B4GALT5: variants seen among roughly 807,000 people sequenced by gnomAD.
B4GALT5 encodes the protein UDP-Gal:beta-GlcNAc beta-1,4-galactosyltransferase 5.
B4GALT5 carries 11 observed loss-of-function variants against 45.0 expected under a neutral mutation model. The observed-to-expected ratio is 0.24, with a 90% CI of 0.15 to 0.40. The LOEUF is 0.40. B4GALT5 is among the 10% of genes least tolerant of loss of function. The probability of loss-of-function intolerance (pLI) is 1.00; values close to 1 mark genes in which losing one functional copy is unlikely to be tolerated. For missense variants in B4GALT5, 337 were observed against 500.2 expected (o/e 0.67, Z 3.11); for synonymous variants, 185 against 182.9 (o/e 1.01, Z -0.09).
chr20:49,643,744 T>C, intron 3 of B4GALT5, 94 bp from the exon 4 acceptor site: 1 of 1,389,684 alleles, frequency 7.2e-7, no homozygotes, highest in Non-Finnish European at 9.7e-7. Flanking sequence ...CAATGCTTTT[T>C]CAGCTGAATT....
intron 1 of B4GALT5, among the ~76,000 whole-genome samples, chr20:49,676,303 A>G (rs1012438256): frequency 2.0e-5 from 3 of 152,202 alleles, no homozygotes; most frequent in African/African-American, 7.2e-5. Context: ...ACAACCTTCT[A>G]AATTCCCCCT....
At chr20:49,704,718 C>CA (rs552498759) in intron 1 of B4GALT5, among the ~76,000 whole-genome samples, 1,668 of 114,000 alleles carry the variant, frequency 0.015, 29 homozygotes, top group African/African-American at 0.047. Flanking sequence ...GACTCTGTCT[C>CA]AAAAAAAAAA....
chr20:49,674,830 G>A (rs1305988826), intron 1 of B4GALT5, among the ~76,000 whole-genome samples: 2 of 152,048 alleles, frequency 1.3e-5, no homozygotes, highest in Non-Finnish European at 2.9e-5. Context: ...CACTTTCAAG[G>A]TCCAAATTCC....
chr20:49,657,012 A>G (rs1471320224), intron 1 of B4GALT5, among the ~76,000 whole-genome samples: 1 of 152,170 alleles, frequency 6.6e-6, no homozygotes, highest in Non-Finnish European at 1.5e-5. Context: ...TGATCATCAG[A>G]AGAAAGACCT....
At chr20:49,690,768 C>T (rs960265443) in intron 1 of B4GALT5, among the ~76,000 whole-genome samples, 24 of 152,158 alleles carry the variant, frequency 1.6e-4, no homozygotes, top group Non-Finnish European at 2.9e-4. Flanking sequence ...ATATGTTCAA[C>T]ACAAGTATTC....
At chr20:49,671,859 T>A (rs77929240) in intron 1 of B4GALT5, among the ~76,000 whole-genome samples, 41 of 138,898 alleles carry the variant, frequency 3.0e-4, no homozygotes, top group African/African-American at 8.5e-4. Flanking sequence ...CATTTTTTTT[T>A]AAAACAATAA....
chr20:49,701,379 G>T (rs181231554), intron 1 of B4GALT5, among the ~76,000 whole-genome samples: 50 of 152,206 alleles, frequency 3.3e-4, no homozygotes, highest in African/African-American at 1.2e-3. Flanking sequence ...ATTTTACTAA[G>T]TCAGAGCTGT....
chr20:49,690,273 G>A (rs1251352164), intron 1 of B4GALT5, among the ~76,000 whole-genome samples: 7 of 152,102 alleles, frequency 4.6e-5, no homozygotes, highest in East Asian at 1.9e-4. Flanking sequence ...CCCAAAGTGC[G>A]GGGATTACAG....
At chr20:49,663,074 TCA>T (rs1884948657) in intron 1 of B4GALT5, among the ~76,000 whole-genome samples, 2 of 152,308 alleles carry the variant, frequency 1.3e-5, no homozygotes, top group African/African-American at 4.8e-5. Context: ...AATGAATCTC[TCA>T]CACTTTATGT....
chr20:49,674,381 A>G (rs920694223), intron 1 of B4GALT5, among the ~76,000 whole-genome samples: 2 of 152,158 alleles, frequency 1.3e-5, no homozygotes, highest in African/African-American at 4.8e-5. Flanking sequence ...CAATGTTCAC[A>G]TAAGAAGTTA....
Position 49,656,635 on chromosome 20 carries a change from A to G in B4GALT5, c.183T>C (p.Gly61=). 1 of 1,614,218 alleles carries G rather than the reference A, an allele frequency of 6.2e-7. No homozygotes were observed. Among genetic ancestry groups the G allele is most frequent in the Non-Finnish European group, 8.5e-7 (1 of 1,180,048 alleles). ...ILIRDNVRTI[G]AQVYEQVLRS... ...GAAGCACCTGCTCATAAACCTGAGC[A>G]CCGATTGTTCTCACGTTGTCCCGGA... is the stretch of plus-strand genomic sequence containing the variant. The change falls in exon 2 of 9, where the codon GGT becomes GGC. Residue 61 remains glycine (G), a synonymous_variant. Coordinates refer to ENST00000371711, the MANE Select transcript of B4GALT5 (RefSeq NM_004776.4).
intron 1 of B4GALT5, among the ~76,000 whole-genome samples, chr20:49,704,644 G>A (rs958624154): frequency 8.6e-5 from 13 of 150,754 alleles, no homozygotes; most frequent in Admixed American, 2.6e-4. Flanking sequence ...GCGTGAACCC[G>A]GGAGGCGGAG....
chr20:49,680,135 T>C (rs754840316), intron 1 of B4GALT5, among the ~76,000 whole-genome samples: 1 of 152,200 alleles, frequency 6.6e-6, no homozygotes, highest in Non-Finnish European at 1.5e-5. Flanking sequence ...CAAATCATAT[T>C]AGCCAGAGGG....
intron 1 of B4GALT5, among the ~76,000 whole-genome samples, chr20:49,698,057 C>A (rs1319882033): frequency 1.3e-5 from 2 of 152,140 alleles, no homozygotes; most frequent in African/African-American, 4.8e-5. Flanking sequence ...CGCGGTGGCT[C>A]ATGCCTATAA....
intron 8 of B4GALT5, 145 bp downstream of exon 8, chr20:49,637,196 T>C (rs1002515243): frequency 1.4e-5 from 10 of 710,776 alleles, no homozygotes; most frequent in African/African-American, 1.1e-4. Flanking sequence ...GCCTCAGAGT[T>C]AGAATACATG....
intron 2 of B4GALT5, among the ~76,000 whole-genome samples, chr20:49,648,285 T>A (rs890816819): frequency 6.6e-6 from 1 of 152,160 alleles, no homozygotes; most frequent in Non-Finnish European, 1.5e-5. Flanking sequence ...CTGGGGCATA[T>A]GTAATCCCCA....
At chr20:49,665,746 T>C (rs2146341651) in intron 1 of B4GALT5, among the ~76,000 whole-genome samples, 1 of 147,806 alleles carries the variant, frequency 6.8e-6, no homozygotes, top group Non-Finnish European at 1.5e-5. Context: ...CTAGATCATA[T>C]TGGGAGCAGG....
chr20:49,674,334 G>A (rs1174025615), intron 1 of B4GALT5, among the ~76,000 whole-genome samples: 7 of 151,792 alleles, frequency 4.6e-5, no homozygotes, highest in African/African-American at 1.7e-4. Context: ...TCCTGTAAAT[G>A]GGCCAGGAAT....
chr20:49,657,015 A>G (rs188001264), intron 1 of B4GALT5, among the ~76,000 whole-genome samples: 3 of 152,260 alleles, frequency 2.0e-5, no homozygotes, highest in African/African-American at 7.2e-5. Flanking sequence ...TCATCAGAAG[A>G]AAGACCTTTA....
Sources: gnomAD v4.1 joint callset for allele counts (sites outside exome capture counted in the v4.1 genomes callset) on GRCh38, gnomAD v4.1.1 for gene constraint, MANE v1.5 for transcripts, NCBI Gene and HGNC (gene_info 2026-07-23, HGNC 2026-07-21) for gene names.